SCN1A: variants seen among roughly 807,000 people sequenced by gnomAD.
SCN1A encodes the protein sodium channel protein type 1 subunit alpha.
SCN1A carries 13 observed loss-of-function variants against 193.7 expected under a neutral mutation model. The observed-to-expected ratio is 0.07, with a 90% confidence interval of 0.04 to 0.11. SCN1A has a LOEUF of 0.11. Ranked by LOEUF, SCN1A falls within the 10% of genes least tolerant of loss-of-function variation. The pLI is 1.00. For missense variants in SCN1A, 1,432 were observed against 2,451.1 expected (o/e 0.58, Z 8.78); for synonymous variants, 781 against 843.6 (o/e 0.93, Z 1.29).
At chr2:166,057,143 C>T (rs1488420224) in intron 5 of SCN1A, among the ~76,000 whole-genome samples, 1 of 152,102 alleles carries the variant, frequency 6.6e-6, no homozygotes, top group East Asian at 1.9e-4. Flanking sequence ...GTGATGTTGG[C>T]CAAGAGACTC....
At chr2:166,109,918 A>T (rs1049194877) in intron 2 of SCN1A, among the ~76,000 whole-genome samples, 11 of 152,172 alleles carry the variant, frequency 7.2e-5, no homozygotes, top group Non-Finnish European at 4.4e-5. Context: ...GTTAGATAGA[A>T]TAAGATCCAG....
intron 15 of SCN1A, among the ~76,000 whole-genome samples, chr2:166,042,005 C>A (rs1468516331): frequency 2.0e-5 from 3 of 152,162 alleles, no homozygotes; most frequent in Non-Finnish European, 4.4e-5. Context: ...AAAAGAGGGT[C>A]ACTATGACTA....
intron 19 of SCN1A, chr2:166,016,465 A>C (rs1200072680): frequency 1.3e-5 from 2 of 152,050 alleles, no homozygotes; most frequent in Non-Finnish European, 2.9e-5. Flanking sequence ...AAATCTAGTT[A>C]AACAACAACA....
chr2:166,135,790 C>G (rs2226710), intron 1 of SCN1A, among the ~76,000 whole-genome samples: 72,911 of 151,912 alleles, frequency 0.48, 18,495 homozygotes, highest in African/African-American at 0.62. Context: ...TAGTTCTCCT[C>G]GTGATTCCTT....
chr2:166,084,218 C>CTTTTTTTTTT (rs57907653), intron 2 of SCN1A, among the ~76,000 whole-genome samples: 1 of 127,326 alleles, frequency 7.9e-6, no homozygotes. Context: ...TCTCAATTTT[C>CTTTTTTTTTT]TTTTTTTTTT....
chr2:166,095,499 T>G (rs1687278814), intron 2 of SCN1A, among the ~76,000 whole-genome samples: 2 of 152,176 alleles, frequency 1.3e-5, no homozygotes, highest in African/African-American at 4.8e-5. Context: ...ATTGAAACAA[T>G]AAAACTGATC....
intron 2 of SCN1A, among the ~76,000 whole-genome samples, chr2:166,113,848 C>A (rs1350882068): frequency 2.0e-5 from 3 of 152,024 alleles, no homozygotes; most frequent in Non-Finnish European, 4.4e-5. Context: ...AGCAAAATTG[C>A]ACTTGTACCC....
upstream of SCN1A, among the ~76,000 whole-genome samples, chr2:166,131,112 T>C (rs949922705): frequency 6.6e-6 from 1 of 152,178 alleles, no homozygotes; most frequent in African/African-American, 2.4e-5. Flanking sequence ...TTTGTCTCTT[T>C]CTCACTGTTA....
In SCN1A at chr2:165,996,044, T is replaced by C. The variant is rs2105461833; in HGVS notation, c.4550A>G (p.Lys1517Arg). 1.2e-6 allele frequency: 2 copies of C among 1,609,686 alleles called. No homozygotes were observed. The highest frequency in any genetic ancestry group is 8.5e-7 in the Non-Finnish European group (1 of 1,176,960). ...TCGAGGTATAGGCTTTTGCGGTTTT[T>C]TCGATCCTAATTTTTTCATTGCATT... is the stretch of plus-strand genomic sequence containing the variant. ...YYNAMKKLGS[K>R]KPQKPIPRPG... The change falls in exon 27 of 29, where the codon AAA (lysine) becomes AGA (arginine). Residue 1517 changes from lysine to arginine, a missense_variant. Coordinates refer to ENST00000674923, the MANE Select transcript of SCN1A (RefSeq NM_001165963.4).
At chr2:166,064,764 T>A (rs1442269955) in intron 4 of SCN1A, among the ~76,000 whole-genome samples, 1 of 152,208 alleles carries the variant, frequency 6.6e-6, no homozygotes, top group African/African-American at 2.4e-5. Flanking sequence ...GTGTTTCATC[T>A]AAACATTATT....
At chr2:166,146,299 C>A (rs1692319316) in intron 1 of SCN1A, among the ~76,000 whole-genome samples, 2 of 152,108 alleles carry the variant, frequency 1.3e-5, no homozygotes, top group African/African-American at 2.4e-5. Flanking sequence ...CAAACAGGTC[C>A]CACCTTATAC....
Position 166,036,248 on chromosome 2 carries a change from T to G in SCN1A, c.3229A>C (p.Lys1077Gln), listed in dbSNP as rs1433677575. ...AEIGKDLDYL[K>Q]DVNGTTSGIG... is the part of the protein sequence containing the mutation. ...CCACTTGTAGTTCCATTTACATCTTTAAGATAGTCAAGATCTTTCCCAATT... is the reference window on the plus strand; with the variant it reads ...CCACTTGTAGTTCCATTTACATCTTGAAGATAGTCAAGATCTTTCCCAATT... The change falls in exon 19 of 29, where the codon AAA (lysine) becomes CAA (glutamine). Residue 1077 changes from lysine (K) to glutamine (Q), a missense_variant. This residue lies in a region of SCN1A where 198 missense variants were observed against 225.8 expected (regional missense o/e 0.88). Coordinates refer to ENST00000674923, the MANE Select transcript of SCN1A (RefSeq NM_001165963.4). 1.2e-6 allele frequency: 2 copies of G among 1,613,914 alleles called. No homozygotes were observed. Among genetic ancestry groups the G allele is most frequent in the Admixed American group, 3.3e-5 (2 of 60,022 alleles).
intron 1 of SCN1A, among the ~76,000 whole-genome samples, chr2:166,148,746 C>A (rs1692420308): frequency 6.6e-6 from 1 of 152,176 alleles, no homozygotes; most frequent in Non-Finnish European, 1.5e-5. Flanking sequence ...CTAATAGCCA[C>A]CTCTAATAAT....
chr2:166,036,788 T>A (rs1410093506), intron 18 of SCN1A, among the ~76,000 whole-genome samples: 1 of 152,222 alleles, frequency 6.6e-6, no homozygotes. Context: ...TGAGCTAATC[T>A]AAGGTTTTGT....
intron 1 of SCN1A, among the ~76,000 whole-genome samples, chr2:166,133,134 C>G (rs1691724828): frequency 6.6e-6 from 1 of 152,112 alleles, no homozygotes; most frequent in South Asian, 2.1e-4. Context: ...TTTCTTAACT[C>G]ACCACAATGC....
At chr2:166,057,768 A>G (rs1300690687) in intron 5 of SCN1A, among the ~76,000 whole-genome samples, 3 of 152,070 alleles carry the variant, frequency 2.0e-5, no homozygotes, top group Non-Finnish European at 4.4e-5. Context: ...TATGATAATT[A>G]TAATGGTATT....
intron 23 of SCN1A, among the ~76,000 whole-genome samples, chr2:166,004,081 G>C (rs527847021): frequency 6.6e-6 from 1 of 151,480 alleles, no homozygotes; most frequent in Non-Finnish European, 1.5e-5. Flanking sequence ...TGATGTGGCC[G>C]ATGCAACTAC....
In SCN1A at chr2:166,052,843, T is replaced by C. The variant is rs754260524; in HGVS notation, c.694+9A>G. 14 of 1,607,048 alleles carry C rather than the reference T, an allele frequency of 8.7e-6. No homozygotes were observed. Among genetic ancestry groups the C allele is most frequent in the Non-Finnish European group, 1.2e-5 (14 of 1,174,500 alleles). Reference sequence around the variant, plus strand: ...ATGGGTCCGTCTCATTATCTAACCTTGCTCTCACCTGGAATGACTGAAATC... The same window carrying C: ...ATGGGTCCGTCTCATTATCTAACCTCGCTCTCACCTGGAATGACTGAAATC... On this transcript the variant is annotated intron_variant, in intron 8 of 28. Coordinates refer to ENST00000674923, the MANE Select transcript of SCN1A (RefSeq NM_001165963.4).
chr2:166,134,785 G>A (rs1393165645), intron 1 of SCN1A, among the ~76,000 whole-genome samples: 1 of 152,022 alleles, frequency 6.6e-6, no homozygotes, highest in African/African-American at 2.4e-5. Flanking sequence ...CTGTCATATG[G>A]GGAGACAAAA....
Sources: gnomAD v4.1 joint callset for allele counts (sites outside exome capture counted in the v4.1 genomes callset) on GRCh38, gnomAD v4.1.1 for gene constraint, gnomAD v4.1.1 regional missense constraint, MANE v1.5 for transcripts, NCBI Gene and HGNC (gene_info 2026-07-23, HGNC 2026-07-21) for gene names.